Variants in YWHAE observed in about 807,000 individuals in gnomAD.
YWHAE encodes 14-3-3 protein epsilon.
A neutral mutation model predicts 30.1 loss-of-function variants in YWHAE; 4 were observed. The observed-to-expected ratio is 0.13, with a 90% CI of 0.07 to 0.30. YWHAE has a LOEUF of 0.30. Among genes scored for constraint, YWHAE ranks in the 10% least tolerant of loss-of-function variants. The probability of loss-of-function intolerance (pLI) is 1.00; values close to 1 mark genes in which losing one functional copy is unlikely to be tolerated. For missense variants in YWHAE, 121 were observed against 315.9 expected (o/e 0.38, Z 4.68); for synonymous variants, 118 against 111.8 (o/e 1.06, Z -0.35).
intron 3 of YWHAE, 176 bp downstream of exon 3, chr17:1,361,726 C>CA (rs1296525828): frequency 1.9e-6 from 1 of 523,410 alleles, no homozygotes; most frequent in African/African-American, 2.0e-5. Context: ...TATAAATAAG[C>CA]AAAAGCTAAT....
intron 1 of YWHAE, among the ~76,000 whole-genome samples, chr17:1,395,490 T>C (rs923530321): frequency 8.6e-5 from 13 of 151,998 alleles, no homozygotes; most frequent in Non-Finnish European, 1.8e-4. Flanking sequence ...GACCACGCCA[T>C]TGCACTCCAG....
At position 1,345,301 on chromosome 17, in the gene YWHAE, A is replaced by C. The variant is rs1488334561; in HGVS notation, c.*146T>G. ...TTTGAAAACTGTTTAAAAAAAAAAAAAAAAAACCAACAGGGCAGGAACCTA... is the reference window on the plus strand; with the variant it reads ...TTTGAAAACTGTTTAAAAAAAAAAACAAAAAACCAACAGGGCAGGAACCTA... On this transcript the variant is annotated 3_prime_UTR_variant, in exon 6 of 6. Transcript: ENST00000264335. 18 of 770,526 alleles carry C rather than the reference A, an allele frequency of 2.3e-5. No homozygotes were observed. Among genetic ancestry groups the C allele is most frequent in the South Asian group, 7.6e-5 (4 of 52,708 alleles). The allele number at this position is 770,526 out of a possible 1,614,324, so 47.7% of individuals were successfully genotyped here.
chr17:1,394,436 CAAAAAAA>C (rs544115909), intron 1 of YWHAE, among the ~76,000 whole-genome samples: 1,019 of 58,592 alleles, frequency 0.017, 13 homozygotes, highest in East Asian at 0.08. Flanking sequence ...CTCAAATCCA[CAAAAAAA>C]AAAAAAAAAA....
intron 1 of YWHAE, among the ~76,000 whole-genome samples, chr17:1,365,293 A>G (rs914837788): frequency 3.3e-5 from 5 of 152,268 alleles, no homozygotes; most frequent in Admixed American, 1.3e-4. Flanking sequence ...GACTTCATAT[A>G]CTATCTAATA....
At chr17:1,386,337 A>G (rs1410262578) in intron 1 of YWHAE, among the ~76,000 whole-genome samples, 1 of 152,170 alleles carries the variant, frequency 6.6e-6, no homozygotes, top group Non-Finnish European at 1.5e-5. Context: ...GGTGCTAATT[A>G]ATTTAAACTA....
At chr17:1,366,153 T>A (rs1043097127) in intron 1 of YWHAE, among the ~76,000 whole-genome samples, 1 of 150,926 alleles carries the variant, frequency 6.6e-6, no homozygotes, top group Non-Finnish European at 1.5e-5. Context: ...AAGGTGGAGA[T>A]TGCAGTGAGC....
chr17:1,373,485 G>GA (rs2073074146), intron 1 of YWHAE, among the ~76,000 whole-genome samples: 1 of 151,350 alleles, frequency 6.6e-6, no homozygotes, highest in African/African-American at 2.4e-5. Flanking sequence ...CTAACACGGT[G>GA]AAACCCCGTC....
chr17:1,364,202 T>A (rs1373730674), intron 2 of YWHAE, among the ~76,000 whole-genome samples: 3 of 147,622 alleles, frequency 2.0e-5, no homozygotes, highest in African/African-American at 7.6e-5. Context: ...ATCAGACAAA[T>A]TAACCCAATA....
intron 1 of YWHAE, among the ~76,000 whole-genome samples, chr17:1,391,845 G>A (rs937668301): frequency 2.0e-5 from 3 of 152,164 alleles, no homozygotes; most frequent in Non-Finnish European, 4.4e-5. Flanking sequence ...GGCGGTACCA[G>A]CTACCTGGTG....
intron 1 of YWHAE, among the ~76,000 whole-genome samples, chr17:1,371,932 G>C (rs905660404): frequency 6.7e-6 from 1 of 149,742 alleles, no homozygotes; most frequent in Non-Finnish European, 1.5e-5. Context: ...TCCGTCTCCT[G>C]GGCTGAAGCG....
chr17:1,359,543 T>C (rs1375584295), intron 4 of YWHAE, among the ~76,000 whole-genome samples: 1 of 152,094 alleles, frequency 6.6e-6, no homozygotes, highest in African/African-American at 2.4e-5. Flanking sequence ...CTCTGATCCA[T>C]GCTTTTACAT....
chr17:1,390,736 A>G (rs1440900105), intron 1 of YWHAE, among the ~76,000 whole-genome samples: 1 of 152,244 alleles, frequency 6.6e-6, no homozygotes, highest in East Asian at 1.9e-4. Flanking sequence ...GATATGAATG[A>G]AGAGTTAAAC....
chr17:1,354,590 C>T (rs1015296222), intron 4 of YWHAE, among the ~76,000 whole-genome samples: 1 of 152,180 alleles, frequency 6.6e-6, no homozygotes, highest in Non-Finnish European at 1.5e-5. Context: ...ATACATAGAA[C>T]AACTTCCATC....
chr17:1,398,888 CCATTT>C (rs1213533266), intron 1 of YWHAE: 1 of 152,040 alleles, frequency 6.6e-6, no homozygotes, highest in Non-Finnish European at 1.5e-5. Context: ...CTACATAAAC[CCATTT>C]ATTTAAAACG....
At chr17:1,371,983 C>T (rs1214499523) in intron 1 of YWHAE, among the ~76,000 whole-genome samples, 6 of 152,014 alleles carry the variant, frequency 3.9e-5, no homozygotes, top group Admixed American at 2.0e-4. Flanking sequence ...GGATTACAGG[C>T]GTCTGCCACC....
chr17:1,354,973 T>TTG (rs1406255400), intron 4 of YWHAE, among the ~76,000 whole-genome samples: 805 of 64,426 alleles, frequency 0.012, 9 homozygotes, highest in East Asian at 0.034. Flanking sequence ...AGTTTTTTTT[T>TTG]TTTTTTTTTT....
At chr17:1,365,844 G>C (rs959270475) in intron 1 of YWHAE, among the ~76,000 whole-genome samples, 1 of 152,142 alleles carries the variant, frequency 6.6e-6, no homozygotes, top group Non-Finnish European at 1.5e-5. Context: ...CCAGGAGTAA[G>C]TGGCTCATAC....
intron 1 of YWHAE, among the ~76,000 whole-genome samples, chr17:1,373,667 C>CA (rs576768197): frequency 0.038 from 4,948 of 129,106 alleles, 236 homozygotes; most frequent in African/African-American, 0.12. Flanking sequence ...GACTTCATCT[C>CA]AAAAAAAAAA....
intron 1 of YWHAE, among the ~76,000 whole-genome samples, chr17:1,393,460 T>TC (rs2073419201): frequency 6.6e-6 from 1 of 152,206 alleles, no homozygotes; most frequent in African/African-American, 2.4e-5. Context: ...AGACAGGCTC[T>TC]CCCTCTGTGG....
Sources: allele counts gnomAD v4.1 joint callset (sites outside exome capture counted in the v4.1 genomes callset), GRCh38; gene constraint gnomAD v4.1.1; transcripts MANE v1.5; gene names NCBI Gene and HGNC (gene_info 2026-07-23, HGNC 2026-07-21).